The following TENM3 variants were observed in gnomAD, a reference collection of about 807,000 sequenced individuals.
TENM3 encodes teneurin-3.
In TENM3, 63 loss-of-function variants were observed where a neutral mutation model predicts 255.1. That is an observed-to-expected ratio of 0.25 (90% confidence interval 0.20 to 0.30). TENM3 has a LOEUF of 0.30. TENM3 is among the 10% of genes least tolerant of loss of function. The pLI is 1.00. For missense variants in TENM3, 2,929 were observed against 3,461.1 expected (o/e 0.85, Z 3.86); for synonymous variants, 1,306 against 1,322.3 (o/e 0.99, Z 0.27).
At chr4:181,452,384 G>A in the TENM3 span, among the ~76,000 whole-genome samples, 2 of 152,152 alleles carry the variant, frequency 1.3e-5, no homozygotes, top group African/African-American at 4.8e-5. Context: ...ATCCCCTCGT[G>A]TTGTGAAAGG....
At chr4:182,168,494 A>AT (rs1274874371) in intron 1 of TENM3, among the ~76,000 whole-genome samples, 2 of 151,984 alleles carry the variant, frequency 1.3e-5, no homozygotes, top group Non-Finnish European at 2.9e-5. Context: ...TTATTGACTT[A>AT]TTTCTTTTTC....
the TENM3 span, among the ~76,000 whole-genome samples, chr4:181,786,395 G>C: frequency 1.3e-5 from 2 of 152,154 alleles, no homozygotes; most frequent in Admixed American, 6.5e-5. Context: ...GAGCTCAGAG[G>C]GGGGCCAGAT....
the TENM3 span, among the ~76,000 whole-genome samples, chr4:182,100,834 T>TAC: frequency 1.3e-4 from 1 of 7,414 alleles, no homozygotes; most frequent in Admixed American, 3.2e-3. Flanking sequence ...TATATATATA[T>TAC]ATATACTCAT....
chr4:182,544,083 A>C (rs1741172429), intron 3 of TENM3, among the ~76,000 whole-genome samples: 1 of 152,230 alleles, frequency 6.6e-6, no homozygotes, highest in Non-Finnish European at 1.5e-5. Flanking sequence ...TTCCTGACAA[A>C]TAAGTGAGTT....
At chr4:181,850,334 TAA>T in the TENM3 span, among the ~76,000 whole-genome samples, 2 of 152,140 alleles carry the variant, frequency 1.3e-5, no homozygotes, top group African/African-American at 2.4e-5. Flanking sequence ...TAATAGCATA[TAA>T]GTCATCTTAT....
At chr4:182,677,235 G>T (rs1755741127) in intron 7 of TENM3, among the ~76,000 whole-genome samples, 1 of 152,058 alleles carries the variant, frequency 6.6e-6, no homozygotes, top group Non-Finnish European at 1.5e-5. Context: ...CCTAGAACTG[G>T]GTAGATACTC....
the TENM3 span, among the ~76,000 whole-genome samples, chr4:182,025,322 C>A: frequency 7.9e-5 from 12 of 152,162 alleles, no homozygotes; most frequent in Admixed American, 2.0e-4. Flanking sequence ...GCCACCACGC[C>A]TGGCTAGGAT....
chr4:182,176,331 AC>A (rs140483780), intron 1 of TENM3, among the ~76,000 whole-genome samples: 44,730 of 151,832 alleles, frequency 0.29, 7,368 homozygotes, highest in Non-Finnish European at 0.39. Context: ...TTGGCAGATT[AC>A]CTCCTCTGTG....
chr4:182,337,340 A>G (rs1471452935), intron 2 of TENM3, among the ~76,000 whole-genome samples: 3 of 152,246 alleles, frequency 2.0e-5, no homozygotes, highest in Non-Finnish European at 2.9e-5. Flanking sequence ...GCTTCTACAA[A>G]TCAACAACAA....
chr4:181,517,143 A>G, the TENM3 span, among the ~76,000 whole-genome samples: 14 of 131,782 alleles, frequency 1.1e-4, no homozygotes, highest in African/African-American at 3.5e-4. Flanking sequence ...CAGAGACTGG[A>G]AATAACTGAA....
At chr4:182,346,013 G>A (rs1764772780) in intron 2 of TENM3, among the ~76,000 whole-genome samples, 1 of 151,938 alleles carries the variant, frequency 6.6e-6, no homozygotes, top group Admixed American at 6.6e-5. Flanking sequence ...AAATTTTTTA[G>A]ACGTTATACT....
chr4:181,476,004 C>A, the TENM3 span, among the ~76,000 whole-genome samples: 1 of 152,324 alleles, frequency 6.6e-6, no homozygotes, highest in Non-Finnish European at 1.5e-5. Flanking sequence ...CAGAATGGTG[C>A]TGACTGTTCC....
chr4:181,572,570 T>C, the TENM3 span, among the ~76,000 whole-genome samples: 1,665 of 152,282 alleles, frequency 0.011, 11 homozygotes, highest in South Asian at 0.056. Flanking sequence ...TGTCAATGAG[T>C]ACATTCCTTA....
chr4:181,641,552 G>GTATATATATA, the TENM3 span, among the ~76,000 whole-genome samples: 181 of 21,562 alleles, frequency 8.4e-3, 5 homozygotes, highest in Non-Finnish European at 0.011. Context: ...CATGGTGTGT[G>GTATATATATA]TGTATATATA....
chr4:182,773,797 ATT>A (rs1390395532), intron 23 of TENM3, 150 bp downstream of exon 23: 2 of 601,560 alleles, frequency 3.3e-6, no homozygotes, highest in Non-Finnish European at 2.8e-6. Flanking sequence ...TACATGTAAT[ATT>A]TATTTACTTG....
At chr4:181,619,115 C>A in the TENM3 span, among the ~76,000 whole-genome samples, 1,744 of 152,226 alleles carry the variant, frequency 0.011, 40 homozygotes, top group African/African-American at 0.04. Context: ...TTACCCAAGC[C>A]TCTCCCAAGG....
At chr4:181,474,292 TA>T in the TENM3 span, among the ~76,000 whole-genome samples, 30,303 of 152,026 alleles carry the variant, frequency 0.2, 3,205 homozygotes, top group Middle Eastern at 0.25. Context: ...TCTGCACATG[TA>T]CCCCCCAGAA....
intron 1 of TENM3, among the ~76,000 whole-genome samples, chr4:182,215,026 AC>A (rs1261386987): frequency 3.3e-5 from 5 of 152,158 alleles, no homozygotes; most frequent in Admixed American, 3.3e-4. Context: ...TGTCTGCAAG[AC>A]CCTAGTCATT....
chr4:182,335,672 A>G (rs1305203701), intron 2 of TENM3, among the ~76,000 whole-genome samples: 1 of 152,068 alleles, frequency 6.6e-6, no homozygotes. Context: ...AAAACCCAGA[A>G]GAAAAGATAG....
Sources: allele counts gnomAD v4.1 joint callset (sites outside exome capture counted in the v4.1 genomes callset), GRCh38; gene constraint gnomAD v4.1.1; transcripts MANE v1.5; gene names NCBI Gene and HGNC (gene_info 2026-07-23, HGNC 2026-07-21).